Variants in ZNF423 observed in about 807,000 individuals in gnomAD.
ZNF423 encodes Ebf-associated zinc finger protein.
ZNF423 carries 12 observed loss-of-function variants against 95.8 expected under a neutral mutation model. The observed-to-expected ratio is 0.13, with a 90% CI of 0.08 to 0.20. The LOEUF is 0.20. Among genes scored for constraint, ZNF423 ranks in the 10% least tolerant of loss-of-function variants. The probability of loss-of-function intolerance (pLI) is 1.00; values close to 1 mark genes in which losing one functional copy is unlikely to be tolerated. For synonymous variants in ZNF423, 749 were observed against 711.9 expected, an observed-to-expected ratio of 1.05 and a Z score of -0.83; for missense variants, 1,316 against 1,737.1, an observed-to-expected ratio of 0.76 and a Z score of 4.31.
chr16:49,498,039 G>A (rs1044409716), intron 7 of ZNF423, among the ~76,000 whole-genome samples: 6 of 152,188 alleles, frequency 3.9e-5, no homozygotes, highest in Non-Finnish European at 8.8e-5. Flanking sequence ...GTGTGTGTGT[G>A]AGAGCTTGAG....
At chr16:49,640,534 G>A (rs905300645) in intron 3 of ZNF423, among the ~76,000 whole-genome samples, 1 of 152,134 alleles carries the variant, frequency 6.6e-6, no homozygotes, top group Non-Finnish European at 1.5e-5. Flanking sequence ...GCTGATTGGG[G>A]GGTCTTGAGG....
Position 49,637,174 on chromosome 16 carries a change from G to A in ZNF423, c.2002C>T (p.Arg668Trp), listed in dbSNP as rs779555962. Residue 668 changes from arginine (R) to tryptophan (W), a missense_variant, in exon 4 of 8, where the codon CGG becomes TGG. By Grantham distance (101) the Arg-to-Trp change is moderately radical. This residue lies in a region of ZNF423 where 620 missense variants were observed against 775.6 expected (regional missense o/e 0.80). Transcript: ENST00000563137. This position sits in a 1 kb window ranked among gnomAD's most constrained non-coding sequence, Gnocchi z 5.6. The part of the protein sequence containing the change: ...HLKLHLELLL[R>W]KQACPQCKED... ...TTGCACTGGGGGCACGCTTGCTTCC[G>A]CAGCAGCAGCTCCAGGTGCAGCTTC... is the stretch of plus-strand genomic sequence containing the variant. 24 of 1,613,686 alleles carry A rather than the reference G, an allele frequency of 1.5e-5. 1 individual carries two copies. The highest frequency in any genetic ancestry group is 6.7e-5 in the East Asian group (3 of 44,894).
intron 5 of ZNF423, among the ~76,000 whole-genome samples, chr16:49,540,543 T>C (rs1056117179): frequency 2.0e-5 from 3 of 152,034 alleles, no homozygotes; most frequent in African/African-American, 4.8e-5. Flanking sequence ...GGCCTCCCCA[T>C]GTGCTTGGAT....
At chr16:49,709,585 G>C (rs1020461151) in intron 3 of ZNF423, among the ~76,000 whole-genome samples, 3 of 152,138 alleles carry the variant, frequency 2.0e-5, no homozygotes, top group African/African-American at 7.2e-5. Flanking sequence ...AAGTGCCACT[G>C]CTATCGTCTG....
intron 5 of ZNF423, among the ~76,000 whole-genome samples, chr16:49,527,728 G>A (rs989795839): frequency 9.9e-5 from 15 of 152,170 alleles, no homozygotes; most frequent in African/African-American, 3.6e-4. Context: ...AAATGGGTTC[G>A]GAGAATTAGA....
intron 3 of ZNF423, among the ~76,000 whole-genome samples, chr16:49,676,267 G>A (rs1464060973): frequency 6.6e-6 from 1 of 152,180 alleles, no homozygotes; most frequent in African/African-American, 2.4e-5. Flanking sequence ...GGCACTAACT[G>A]AGATACACAC....
At chr16:49,576,793 T>TA (rs1478297637) in intron 5 of ZNF423, among the ~76,000 whole-genome samples, 1 of 152,250 alleles carries the variant, frequency 6.6e-6, no homozygotes, top group Non-Finnish European at 1.5e-5. Context: ...TCCCAGGGTC[T>TA]AGCCCAGAGC....
intron 3 of ZNF423, among the ~76,000 whole-genome samples, chr16:49,729,230 A>C (rs1461756696): frequency 6.6e-6 from 1 of 152,256 alleles, no homozygotes; most frequent in East Asian, 1.9e-4. Context: ...ATAACTTTTC[A>C]TTAGATCAAT....
intron 2 of ZNF423, among the ~76,000 whole-genome samples, chr16:49,736,837 T>C (rs1018443556): frequency 4.6e-5 from 7 of 152,208 alleles, no homozygotes; most frequent in Non-Finnish European, 7.3e-5. Context: ...ACTGAGCTAC[T>C]GCCCTTAAGA....
chr16:49,527,855 G>C (rs552626554), intron 5 of ZNF423, among the ~76,000 whole-genome samples: 2 of 152,070 alleles, frequency 1.3e-5, no homozygotes, highest in South Asian at 4.2e-4. Flanking sequence ...GCCCTGACTT[G>C]TACCCCTCAT....
chr16:49,636,943 C>T lies in ZNF423; in HGVS notation c.2233G>A (p.Val745Met), dbSNP rs749714811. Residue 745 changes from valine (V) to methionine (M), a missense_variant, in exon 4 of 8, where the codon GTG (valine) becomes ATG (methionine). By Grantham distance (21) the Val-to-Met change is conservative. Coordinates refer to ENST00000563137, the MANE Select transcript of ZNF423 (RefSeq NM_001379286.1). The surrounding 1 kb of genome is among the most constrained non-coding windows in gnomAD (Gnocchi z 8.6). ...TTGCTGTGCTTCACCGCCAGGTGCA[C>T]CTGGATGGACACCTTGGAGTCGAAG... ...EVFDSKVSIQ[V>M]HLAVKHSNEK... The T allele has an allele frequency of 2.5e-6, 4 of 1,613,782 alleles. 1 individual carries two copies. The South Asian group carries it at 4.4e-5, about 18-fold the overall frequency.
At chr16:49,491,621 C>T (rs938913627) in intron 7 of ZNF423, among the ~76,000 whole-genome samples, 4 of 149,598 alleles carry the variant, frequency 2.7e-5, no homozygotes, top group African/African-American at 7.4e-5. Context: ...GGGGAAATGC[C>T]GGGGAGGAGG....
At chr16:49,549,056 T>C (rs1969538590) in intron 5 of ZNF423, among the ~76,000 whole-genome samples, 1 of 152,250 alleles carries the variant, frequency 6.6e-6, no homozygotes, top group Admixed American at 6.5e-5. Flanking sequence ...TTGTCAGATG[T>C]GTGCCCACTT....
chr16:49,602,452 G>A (rs35717002), intron 5 of ZNF423, among the ~76,000 whole-genome samples: 11,898 of 152,268 alleles, frequency 0.078, 521 homozygotes, highest in African/African-American at 0.12. Context: ...CACAGAACCA[G>A]GTCAGCTGGC....
chr16:49,514,856 C>T (rs1968068753), intron 7 of ZNF423, among the ~76,000 whole-genome samples: 1 of 152,208 alleles, frequency 6.6e-6, no homozygotes, highest in South Asian at 2.1e-4. Context: ...CACCCCAAAA[C>T]CATCTTCATC....
intron 5 of ZNF423, among the ~76,000 whole-genome samples, chr16:49,619,277 G>A (rs908779173): frequency 3.3e-5 from 5 of 152,132 alleles, no homozygotes; most frequent in Middle Eastern, 3.2e-3. Flanking sequence ...AGAGCCCACC[G>A]AGGATTTTAA....
At chr16:49,678,325 TTTTGC>T (rs973385827) in intron 3 of ZNF423, among the ~76,000 whole-genome samples, 53 of 24,574 alleles carry the variant, frequency 2.2e-3, no homozygotes, top group Non-Finnish European at 7.6e-3. Flanking sequence ...TTTTGTTTTG[TTTTGC>T]TTAAGGGGCA....
At chr16:49,795,356 C>G (rs905491567) in intron 1 of ZNF423, among the ~76,000 whole-genome samples, 12 of 152,194 alleles carry the variant, frequency 7.9e-5, no homozygotes, top group Admixed American at 7.9e-4. Context: ...CAGAAGGTCA[C>G]ACATGCCAAT....
At chr16:49,588,912 T>G (rs1451429214) in intron 5 of ZNF423, among the ~76,000 whole-genome samples, 4 of 152,244 alleles carry the variant, frequency 2.6e-5, no homozygotes, top group Non-Finnish European at 4.4e-5. Flanking sequence ...CTGCCAGTTT[T>G]ATCGGACAGC....
Sources: allele counts gnomAD v4.1 joint callset (sites outside exome capture counted in the v4.1 genomes callset), GRCh38; gene constraint gnomAD v4.1.1; regional missense constraint gnomAD v4.1.1; non-coding constraint Gnocchi (gnomAD v3.1); transcripts MANE v1.5; gene names NCBI Gene and HGNC (gene_info 2026-07-23, HGNC 2026-07-21).